The following DOK6 variants were observed in gnomAD, a reference collection of about 807,000 sequenced individuals.
DOK6 encodes the protein downstream of tyrosine kinase 6.
In DOK6, 22 loss-of-function variants were observed where a neutral mutation model predicts 44.0. The ratio of observed to expected loss-of-function variants is 0.50; its 90% CI spans 0.36 to 0.71. DOK6 has a LOEUF of 0.71. Among genes scored for constraint, DOK6 ranks in the 30% least tolerant of loss-of-function variants. The pLI is 0.00. For missense variants in DOK6, 340 were observed against 416.4 expected (o/e 0.82, Z 1.60); for synonymous variants, 166 against 145.5 (o/e 1.14, Z -1.01).
chr18:69,502,762 ACAG>A (rs1295425576), intron 1 of DOK6, among the ~76,000 whole-genome samples: 1 of 152,110 alleles, frequency 6.6e-6, no homozygotes, highest in Non-Finnish European at 1.5e-5. Context: ...TATCAGTCAA[ACAG>A]CACGCTCCTT....
chr18:69,457,914 T>C (rs1348652610), intron 1 of DOK6, among the ~76,000 whole-genome samples: 1 of 152,004 alleles, frequency 6.6e-6, no homozygotes, highest in Admixed American at 6.6e-5. Flanking sequence ...GAGGCCAGGG[T>C]GGGTAGATCA....
At chr18:69,655,377 G>T (rs1985333530) in intron 3 of DOK6, among the ~76,000 whole-genome samples, 1 of 152,132 alleles carries the variant, frequency 6.6e-6, no homozygotes. Context: ...AAATGCCATT[G>T]AAATGGAAAG....
chr18:69,479,490 G>T (rs1177751551), intron 1 of DOK6, among the ~76,000 whole-genome samples: 2 of 152,116 alleles, frequency 1.3e-5, no homozygotes, highest in African/African-American at 4.8e-5. Flanking sequence ...GGGATTACAG[G>T]AATACAACGT....
chr18:69,734,158 T>C (rs1409801823), intron 5 of DOK6, among the ~76,000 whole-genome samples: 1 of 151,816 alleles, frequency 6.6e-6, no homozygotes, highest in Non-Finnish European at 1.5e-5. Flanking sequence ...TTTTTTTTTT[T>C]CCAAATGACT....
intron 1 of DOK6, among the ~76,000 whole-genome samples, chr18:69,413,789 A>C (rs557955865): frequency 1.3e-4 from 20 of 152,064 alleles, no homozygotes; most frequent in African/African-American, 4.6e-4. Context: ...GAAAGACCCT[A>C]TTAAGAGGAT....
intron 1 of DOK6, among the ~76,000 whole-genome samples, chr18:69,516,129 T>C (rs1432304691): frequency 6.6e-6 from 1 of 152,212 alleles, no homozygotes; most frequent in East Asian, 1.9e-4. Context: ...CTGGAGTGTC[T>C]GGTGCACCCT....
chr18:69,415,215 G>A (rs187213074), intron 1 of DOK6, among the ~76,000 whole-genome samples: 1 of 152,192 alleles, frequency 6.6e-6, no homozygotes, highest in East Asian at 1.9e-4. Context: ...CTGAACTGGG[G>A]TTCCATAGGA....
chr18:69,559,134 CTTA>C (rs1253845527), intron 1 of DOK6, among the ~76,000 whole-genome samples: 1 of 151,994 alleles, frequency 6.6e-6, no homozygotes, highest in African/African-American at 2.4e-5. Flanking sequence ...CTATTTTTTC[CTTA>C]TTATCTATTA....
intron 2 of DOK6, among the ~76,000 whole-genome samples, chr18:69,585,723 T>C (rs1246190776): frequency 6.6e-6 from 1 of 152,248 alleles, no homozygotes; most frequent in Non-Finnish European, 1.5e-5. Flanking sequence ...TTTTAGCGTC[T>C]ATGTAATCTT....
chr18:69,668,175 C>T (rs1390504197), intron 3 of DOK6, among the ~76,000 whole-genome samples: 1 of 152,060 alleles, frequency 6.6e-6, no homozygotes, highest in African/African-American at 2.4e-5. Context: ...GAATGATTCT[C>T]ATCGCCACCA....
chr18:69,546,084 G>A (rs933962473), intron 1 of DOK6, among the ~76,000 whole-genome samples: 1 of 151,026 alleles, frequency 6.6e-6, no homozygotes, highest in African/African-American at 2.4e-5. Context: ...TCGAGACCAG[G>A]CTAGCCAACA....
At chr18:69,655,504 G>A (rs561797926) in intron 3 of DOK6, among the ~76,000 whole-genome samples, 1 of 152,190 alleles carries the variant, frequency 6.6e-6, no homozygotes, top group African/African-American at 2.4e-5. Context: ...TGTAATCCCA[G>A]CATGTTGGGA....
chr18:69,530,043 C>T (rs17187529), intron 1 of DOK6, among the ~76,000 whole-genome samples: 4,572 of 152,080 alleles, frequency 0.03, 84 homozygotes, highest in Middle Eastern at 0.048. Context: ...TGAGGACAAA[C>T]GAGTTTATGC....
intron 3 of DOK6, among the ~76,000 whole-genome samples, chr18:69,635,794 C>T (rs1388414049): frequency 2.0e-5 from 3 of 152,178 alleles, no homozygotes; most frequent in Non-Finnish European, 4.4e-5. Flanking sequence ...GCATCTCCAA[C>T]CCTAAGAAAG....
At chr18:69,817,396 C>T (rs1568134877) in intron 7 of DOK6, among the ~76,000 whole-genome samples, 1 of 152,128 alleles carries the variant, frequency 6.6e-6, no homozygotes, top group Admixed American at 6.5e-5. Flanking sequence ...CTTTGTCTTG[C>T]TCTACTCAGA....
At chr18:69,798,583 T>C (rs963653136) in intron 7 of DOK6, among the ~76,000 whole-genome samples, 3 of 152,058 alleles carry the variant, frequency 2.0e-5, no homozygotes, top group African/African-American at 7.2e-5. Context: ...TTAGATCATG[T>C]TTTCAAATCT....
intron 7 of DOK6, among the ~76,000 whole-genome samples, chr18:69,794,863 C>T (rs1321595488): frequency 2.6e-5 from 4 of 152,126 alleles, no homozygotes; most frequent in Non-Finnish European, 4.4e-5. Context: ...ATTTAGGCTC[C>T]GTGCTCCTTA....
intron 1 of DOK6, among the ~76,000 whole-genome samples, chr18:69,516,704 G>T (rs1694233261): frequency 6.6e-6 from 1 of 151,494 alleles, no homozygotes; most frequent in African/African-American, 2.4e-5. Flanking sequence ...TTTTGAGGCG[G>T]AGTCTCTGTC....
intron 5 of DOK6, among the ~76,000 whole-genome samples, chr18:69,730,193 C>A (rs1172085549): frequency 6.6e-6 from 1 of 152,212 alleles, no homozygotes; most frequent in Non-Finnish European, 1.5e-5. Context: ...GGGTGGAAAC[C>A]CACCACCCTG....
Sources: gnomAD v4.1 joint callset for allele counts (sites outside exome capture counted in the v4.1 genomes callset) on GRCh38, gnomAD v4.1.1 for gene constraint, MANE v1.5 for transcripts, NCBI Gene and HGNC (gene_info 2026-07-23, HGNC 2026-07-21) for gene names.